AFAP1: variants seen among roughly 807,000 people sequenced by gnomAD.
The protein encoded by AFAP1 is actin filament associated protein 1, also known as actin filament-associated protein 1.
AFAP1 carries 75 observed loss-of-function variants against 93.9 expected under a neutral mutation model. The observed-to-expected ratio is 0.80, with a 90% CI of 0.66 to 0.97. The LOEUF (loss-of-function observed/expected upper bound fraction) is 0.97, where lower values mean the gene tolerates loss of function less well. Among genes scored for constraint, AFAP1 ranks in the 50% least tolerant of loss-of-function variants. The pLI is 0.00. For synonymous variants in AFAP1, 517 were observed against 430.7 expected (o/e 1.20, Z -2.48); for missense variants, 1,201 against 1,050.8 (o/e 1.14, Z -1.98).
At chr4:7,807,866 A>T (rs1719664807) in intron 9 of AFAP1, among the ~76,000 whole-genome samples, 1 of 152,178 alleles carries the variant, frequency 6.6e-6, no homozygotes, top group Non-Finnish European at 1.5e-5. Flanking sequence ...TGCCCCTGCA[A>T]TCCATCCCTC....
intron 5 of AFAP1, 145 bp from the exon 6 acceptor site, chr4:7,838,848 A>G (rs1712637617): frequency 1.3e-6 from 1 of 745,802 alleles, no homozygotes; most frequent in East Asian, 2.6e-5. Flanking sequence ...ACACACACAC[A>G]CACACACACA....
At chr4:7,828,519 C>T (rs1721629423) in intron 6 of AFAP1, among the ~76,000 whole-genome samples, 1 of 152,192 alleles carries the variant, frequency 6.6e-6, no homozygotes, top group Admixed American at 6.5e-5. Flanking sequence ...TTCTTGCCCC[C>T]AGAAACATCC....
chr4:7,825,310 G>A (rs993308080), intron 6 of AFAP1, among the ~76,000 whole-genome samples: 2 of 152,064 alleles, frequency 1.3e-5, no homozygotes, highest in African/African-American at 4.8e-5. Flanking sequence ...TGGCTCACCA[G>A]GGGTTGTTCC....
intron 1 of AFAP1, among the ~76,000 whole-genome samples, chr4:7,908,001 C>CA (rs1267862517): frequency 6.6e-6 from 1 of 152,176 alleles, no homozygotes; most frequent in African/African-American, 2.4e-5. Context: ...CACCTGATGT[C>CA]AGACGTTCAA....
intron 1 of AFAP1, among the ~76,000 whole-genome samples, chr4:7,885,693 G>C (rs1381711526): frequency 6.6e-6 from 1 of 152,204 alleles, no homozygotes; most frequent in Admixed American, 6.5e-5. Context: ...CAACATTCCT[G>C]AGATCTGCTT....
intron 16 of AFAP1, among the ~76,000 whole-genome samples, chr4:7,770,416 G>T (rs545496929): frequency 1.3e-5 from 2 of 152,266 alleles, no homozygotes; most frequent in Admixed American, 6.5e-5. Context: ...ATGAAAGCAG[G>T]TGCAATGGGA....
intron 3 of AFAP1, among the ~76,000 whole-genome samples, chr4:7,868,152 T>C (rs923954012): frequency 6.6e-6 from 1 of 150,850 alleles, no homozygotes; most frequent in Non-Finnish European, 1.5e-5. Context: ...TCCCGAAATA[T>C]GTACATATTT....
intron 3 of AFAP1, among the ~76,000 whole-genome samples, chr4:7,867,779 T>A (rs1374117903): frequency 1.5e-5 from 1 of 68,328 alleles, no homozygotes; most frequent in Non-Finnish European, 4.7e-5. Context: ...ACCCAGTAAG[T>A]GCTTGTTTCC....
chr4:7,839,478 C>T (rs2149107943), intron 5 of AFAP1, among the ~76,000 whole-genome samples: 1 of 152,068 alleles, frequency 6.6e-6, no homozygotes, highest in Admixed American at 6.5e-5. Context: ...TTTGTTGCAA[C>T]TCCACAGCCC....
At chr4:7,843,410 G>T in intron 4 of AFAP1, 60 bp from the exon 5 acceptor site, 3 of 1,458,194 alleles carry the variant, frequency 2.1e-6, no homozygotes, top group Non-Finnish European at 1.9e-6. Flanking sequence ...TTTACCCGTG[G>T]GCTCAAGAGC....
intron 1 of AFAP1, among the ~76,000 whole-genome samples, chr4:7,895,572 T>G (rs899881921): frequency 6.6e-6 from 1 of 152,186 alleles, no homozygotes; most frequent in Non-Finnish European, 1.5e-5. Flanking sequence ...ACATGTTTCA[T>G]GCAATGCCAA....
At chr4:7,928,814 T>C (rs896501422) in intron 1 of AFAP1, among the ~76,000 whole-genome samples, 5 of 152,228 alleles carry the variant, frequency 3.3e-5, no homozygotes, top group African/African-American at 1.2e-4. Context: ...TCTGCCCTCC[T>C]GCAATGGCCG....
At chr4:7,842,974 A>G (rs1387072840) in intron 5 of AFAP1, 165 bp downstream of exon 5, 2 of 687,258 alleles carry the variant, frequency 2.9e-6, no homozygotes, top group East Asian at 5.5e-5. Flanking sequence ...CCCTGATGGC[A>G]TGTGGGGGCC....
chr4:7,800,778 G>A (rs1188993125), intron 9 of AFAP1, 125 bp from the exon 10 acceptor site: 12 of 919,686 alleles, frequency 1.3e-5, no homozygotes, highest in South Asian at 3.1e-5. Flanking sequence ...TCACACGATC[G>A]ATCAAGCTTT....
intron 11 of AFAP1, among the ~76,000 whole-genome samples, chr4:7,789,213 T>C (rs767058094): frequency 6.6e-6 from 1 of 152,114 alleles, no homozygotes; most frequent in Non-Finnish European, 1.5e-5. Flanking sequence ...CTTGGTGTCT[T>C]TCCACAATAG....
chr4:7,773,075 C>T, intron 15 of AFAP1, 65 bp from the exon 16 acceptor site: 2 of 1,526,644 alleles, frequency 1.3e-6, no homozygotes, highest in East Asian at 2.4e-5. Context: ...ACAGAGAAGG[C>T]ACCTGGTCCC....
intron 12 of AFAP1, among the ~76,000 whole-genome samples, 193 bp from the exon 13 acceptor site, chr4:7,781,820 A>T (rs1019535388): frequency 2.6e-5 from 4 of 152,140 alleles, no homozygotes; most frequent in Non-Finnish European, 5.9e-5. Context: ...ATACACACAC[A>T]GACCCAACAC....
At chr4:7,832,287 G>A (rs1482530250) in intron 6 of AFAP1, among the ~76,000 whole-genome samples, 1 of 151,760 alleles carries the variant, frequency 6.6e-6, no homozygotes, top group Non-Finnish European at 1.5e-5. Flanking sequence ...TGAATCTCCC[G>A]TATGATACAG....
chr4:7,902,919 A>G (rs1270924592), intron 1 of AFAP1, among the ~76,000 whole-genome samples: 1 of 152,216 alleles, frequency 6.6e-6, no homozygotes, highest in African/African-American at 2.4e-5. Context: ...CACAAACATT[A>G]CACACCTATG....
Sources: gnomAD v4.1 joint callset for allele counts (sites outside exome capture counted in the v4.1 genomes callset) on GRCh38, gnomAD v4.1.1 for gene constraint, MANE v1.5 for transcripts, NCBI Gene and HGNC (gene_info 2026-07-23, HGNC 2026-07-21) for gene names.